Variants in GRIK2 observed in about 807,000 individuals in gnomAD.
The protein encoded by GRIK2 is glutamate receptor ionotropic, kainate 2.
GRIK2 carries 32 observed loss-of-function variants against 100.3 expected under a neutral mutation model. The observed-to-expected ratio is 0.32, with a 90% confidence interval of 0.24 to 0.43. GRIK2 has a LOEUF of 0.43. Among genes scored for constraint, GRIK2 ranks in the 20% least tolerant of loss-of-function variants. The probability of loss-of-function intolerance (pLI) is 1.00; values close to 1 mark genes in which losing one functional copy is unlikely to be tolerated. For synonymous variants in GRIK2, 417 were observed against 389.4 expected (o/e 1.07, Z -0.83); for missense variants, 843 against 1,114.9 (o/e 0.76, Z 3.47).
intron 15 of GRIK2, among the ~76,000 whole-genome samples, chr6:102,040,170 A>C (rs535555559): frequency 6.6e-6 from 1 of 151,542 alleles, no homozygotes; most frequent in Admixed American, 6.6e-5. Flanking sequence ...GAAGAATGTA[A>C]AGATAAAGTG....
intron 2 of GRIK2, among the ~76,000 whole-genome samples, chr6:101,590,639 T>C (rs1333991357): frequency 6.6e-6 from 1 of 151,946 alleles, no homozygotes; most frequent in African/African-American, 2.4e-5. Context: ...CTCACACGTA[T>C]TTTTGTCATC....
At chr6:101,586,892 CAAAAAAAAAA>C (rs1199378638) in intron 2 of GRIK2, among the ~76,000 whole-genome samples, 5 of 53,970 alleles carry the variant, frequency 9.3e-5, no homozygotes, top group East Asian at 1.6e-3. Flanking sequence ...TCTGTCTTAA[CAAAAAAAAAA>C]AAAAAAAAAA....
intron 2 of GRIK2, among the ~76,000 whole-genome samples, chr6:101,415,460 C>T (rs1776094442): frequency 1.3e-5 from 2 of 150,328 alleles, no homozygotes; most frequent in Non-Finnish European, 3.0e-5. Context: ...AAGCTCTGCC[C>T]CCTGGGTTCA....
chr6:101,583,202 A>T (rs1217548163), intron 2 of GRIK2, among the ~76,000 whole-genome samples: 4 of 152,132 alleles, frequency 2.6e-5, no homozygotes, highest in Non-Finnish European at 2.9e-5. Flanking sequence ...AGAAGATAAT[A>T]CAGCCAATAA....
chr6:101,870,316 A>G (rs1785326725), intron 11 of GRIK2, among the ~76,000 whole-genome samples: 1 of 151,922 alleles, frequency 6.6e-6, no homozygotes, highest in Admixed American at 6.6e-5. Flanking sequence ...CTTAATACAC[A>G]GTAGAAAATG....
intron 4 of GRIK2, among the ~76,000 whole-genome samples, chr6:101,666,422 C>G (rs908474964): frequency 6.6e-6 from 1 of 152,182 alleles, no homozygotes; most frequent in African/African-American, 2.4e-5. Flanking sequence ...ACTGGCCACC[C>G]ACTTGGCTGA....
rs60006135 is a variant in GRIK2, at chr6:101,908,326, T to TTA, written c.1749-16275_1749-16274insTA. 4.6e-4 allele frequency among the ~76,000 whole-genome samples: 68 copies of TTA among 148,598 alleles called. 1 individual carries two copies. Among genetic ancestry groups the TTA allele is most frequent in the Non-Finnish European group, 1.5e-4 (10 of 66,932 alleles). ...TTAATGGCAAAAACCACAATTATTT[T>TTA]GCACCAGCCTAATATTTTTACATAC... On this transcript the variant is annotated intron_variant, in intron 12 of 16. Transcript: ENST00000369134.
At chr6:101,727,833 A>G (rs994584593) in intron 7 of GRIK2, among the ~76,000 whole-genome samples, 4 of 152,070 alleles carry the variant, frequency 2.6e-5, no homozygotes, top group African/African-American at 9.7e-5. Flanking sequence ...GACATAGCCT[A>G]TATATAATTG....
intron 2 of GRIK2, among the ~76,000 whole-genome samples, chr6:101,409,256 A>G (rs1330036770): frequency 6.6e-6 from 1 of 152,010 alleles, no homozygotes; most frequent in East Asian, 1.9e-4. Flanking sequence ...TGCCATATCC[A>G]GCAGAGTAAC....
intron 1 of GRIK2, among the ~76,000 whole-genome samples, chr6:101,396,755 TC>T (rs1172515006): frequency 3.9e-5 from 6 of 152,210 alleles, no homozygotes; most frequent in Non-Finnish European, 7.3e-5. Context: ...CTGTCCGTGG[TC>T]CTGAAGAAAG....
chr6:101,801,605 T>A (rs1780674791), intron 8 of GRIK2, among the ~76,000 whole-genome samples: 1 of 152,016 alleles, frequency 6.6e-6, no homozygotes, highest in Non-Finnish European at 1.5e-5. Flanking sequence ...AAAATTTCTG[T>A]ATTTAACTAC....
At chr6:101,796,518 A>G (rs1323558360) in intron 7 of GRIK2, among the ~76,000 whole-genome samples, 1 of 149,966 alleles carries the variant, frequency 6.7e-6, no homozygotes, top group Non-Finnish European at 1.5e-5. Context: ...ATATAAATAG[A>G]AAAATCTACA....
chr6:101,899,993 A>G (rs1159339992), intron 12 of GRIK2, among the ~76,000 whole-genome samples: 1 of 152,160 alleles, frequency 6.6e-6, no homozygotes, highest in Non-Finnish European at 1.5e-5. Context: ...AATAAGAAAC[A>G]TTAAAAATAG....
chr6:101,565,097 C>G (rs1777190047), intron 2 of GRIK2, among the ~76,000 whole-genome samples: 1 of 152,012 alleles, frequency 6.6e-6, no homozygotes. Flanking sequence ...GAAAGATGTG[C>G]CAATTACATT....
intron 14 of GRIK2, among the ~76,000 whole-genome samples, chr6:101,978,433 C>CT (rs1793528133): frequency 6.6e-6 from 1 of 151,884 alleles, no homozygotes; most frequent in African/African-American, 2.4e-5. Flanking sequence ...TTGTCCTTTT[C>CT]TTGACTGTCA....
intron 7 of GRIK2, among the ~76,000 whole-genome samples, chr6:101,723,802 A>T (rs1301797072): frequency 1.3e-5 from 2 of 152,072 alleles, no homozygotes; most frequent in African/African-American, 4.8e-5. Flanking sequence ...CAGCTAGTGG[A>T]GAATTTAGAT....
chr6:101,998,572 G>A (rs1326127318), intron 14 of GRIK2, among the ~76,000 whole-genome samples: 2 of 151,860 alleles, frequency 1.3e-5, no homozygotes, highest in Non-Finnish European at 2.9e-5. Flanking sequence ...ACAATTTCCT[G>A]CTATATTTTC....
chr6:101,398,124 C>CA (rs1374950411), intron 1 of GRIK2, among the ~76,000 whole-genome samples: 4 of 152,054 alleles, frequency 2.6e-5, no homozygotes, highest in Admixed American at 6.5e-5. Context: ...GAATCTGTAA[C>CA]ACTCAATGTC....
At chr6:101,645,265 T>C (rs1243009743) in intron 4 of GRIK2, among the ~76,000 whole-genome samples, 1 of 151,932 alleles carries the variant, frequency 6.6e-6, no homozygotes, top group Non-Finnish European at 1.5e-5. Flanking sequence ...AGAAGCTTAA[T>C]TCATCATGTC....
Sources: gnomAD v4.1 joint callset for allele counts (sites outside exome capture counted in the v4.1 genomes callset) on GRCh38, gnomAD v4.1.1 for gene constraint, MANE v1.5 for transcripts, NCBI Gene and HGNC (gene_info 2026-07-23, HGNC 2026-07-21) for gene names.